QRICH1: variants seen among roughly 807,000 people sequenced by gnomAD.
QRICH1 encodes transcriptional regulator QRICH1.
In QRICH1, 16 loss-of-function variants were observed where a neutral mutation model predicts 87.1. That is an observed-to-expected ratio of 0.18 (90% CI 0.12 to 0.28). QRICH1 has a LOEUF of 0.28. QRICH1 is among the 10% of genes least tolerant of loss of function. QRICH1 has a pLI of 1.00. For missense variants in QRICH1, 647 were observed against 951.7 expected (o/e 0.68, Z 4.21); for synonymous variants, 367 against 368.4 (o/e 1.00, Z 0.05).
At chr3:49,094,250 TCCATGTGGGGCGGAGCTAGGG>T (rs2042338838), upstream of QRICH1, 1 of 380,194 alleles carries the variant, frequency 2.6e-6, no homozygotes, top group Non-Finnish European at 4.7e-6. Context: ...TGGACGCCTC[TCCATGTGGGGCGGAGCTAGGG>T]CCGTGGCTTG....
intron 6 of QRICH1, chr3:49,033,453 A>C (rs2093254923): frequency 2.7e-6 from 1 of 364,870 alleles, no homozygotes; most frequent in South Asian, 1.2e-4. Flanking sequence ...CTAACACCAC[A>C]CTTGAGAACC....
chr3:49,042,062 C>T (rs150426469), intron 6 of QRICH1, among the ~76,000 whole-genome samples: 2,719 of 146,812 alleles, frequency 0.019, 37 homozygotes, highest in Non-Finnish European at 0.032. Flanking sequence ...CGTGAGCCAC[C>T]GCGCCCAGAC....
intron 2 of QRICH1, among the ~76,000 whole-genome samples, chr3:49,068,385 AG>A (rs2093480391): frequency 6.6e-6 from 1 of 151,186 alleles, no homozygotes; most frequent in Non-Finnish European, 1.5e-5. Context: ...TAAGCATGGG[AG>A]GTTGAAGTTG....
At chr3:49,052,505 C>CT (rs1491378160) in intron 3 of QRICH1, among the ~76,000 whole-genome samples, 2 of 151,994 alleles carry the variant, frequency 1.3e-5, no homozygotes, top group African/African-American at 4.8e-5. Context: ...AATTCTGCCC[C>CT]TTTTTTGTTT....
chr3:49,074,423 T>C (rs1462191545), intron 2 of QRICH1, among the ~76,000 whole-genome samples: 9 of 146,804 alleles, frequency 6.1e-5, no homozygotes, highest in Admixed American at 4.8e-4. Flanking sequence ...ATACAAAAAA[T>C]TAGCCAGGCA....
chr3:49,057,980 G>A lies in QRICH1; in HGVS notation c.310-90C>T. On this transcript the variant is annotated intron_variant, in intron 2 of 9. Transcript: ENST00000395443. This position sits in a 1 kb window ranked among gnomAD's most constrained non-coding sequence, Gnocchi z 5.4. ...AGAAAGAAAAGAGATCCCAGACAGG[G>A]GACCTGCAAAATGTGAGAAAACACT... is the stretch of plus-strand genomic sequence containing the variant. 6.3e-7 allele frequency: 1 copy of A among 1,598,596 alleles called. No individual in the cohort carries two copies.
intron 1 of QRICH1, among the ~76,000 whole-genome samples, chr3:49,078,693 CCT>C (rs1491572920): frequency 1.7e-5 from 2 of 114,974 alleles, no homozygotes; most frequent in African/African-American, 3.6e-5. Flanking sequence ...CCACACCTGT[CCT>C]TTTTTTTTTT....
chr3:49,090,690 C>A (rs1012048642), intron 1 of QRICH1, among the ~76,000 whole-genome samples: 3 of 151,900 alleles, frequency 2.0e-5, no homozygotes, highest in Middle Eastern at 6.8e-3. Flanking sequence ...GACACAGCCA[C>A]CATTTCTACC....
Position 49,030,337 on chromosome 3 carries a change from G to C in QRICH1, c.*115C>G. The C allele has an allele frequency of 2.0e-6, 2 of 994,630 alleles. No individual in the cohort carries two copies. Among genetic ancestry groups the C allele is most frequent in the Non-Finnish European group, 2.9e-6 (2 of 693,242 alleles). The allele number at this position is 994,630 out of a possible 1,614,324, so 61.6% of individuals were successfully genotyped here. A position where few individuals can be genotyped will look rare whatever the true frequency, so the allele number is the denominator to read the frequency against. On this transcript the variant is annotated 3_prime_UTR_variant, in exon 10 of 10. Coordinates refer to ENST00000395443, the MANE Select transcript of QRICH1 (RefSeq NM_198880.3). ...ATTTTAAACAGAAGCAGCCTGAAAG[G>C]CTTCGTAACTACACCAATAAAAAAA...
At chr3:49,066,132 A>C (rs2093467094) in intron 2 of QRICH1, among the ~76,000 whole-genome samples, 1 of 152,020 alleles carries the variant, frequency 6.6e-6, no homozygotes, top group African/African-American at 2.4e-5. Flanking sequence ...CAAGAATACA[A>C]AAAAATTAGC....
chr3:49,070,806 A>G (rs954527861), intron 2 of QRICH1, among the ~76,000 whole-genome samples: 5 of 152,282 alleles, frequency 3.3e-5, no homozygotes, highest in Middle Eastern at 6.8e-3. Context: ...TTATGATTCT[A>G]TCACACTGAA....
In QRICH1 at chr3:49,033,140, G is replaced by A. The variant is rs1415622944; in HGVS notation, c.1875C>T (p.Thr625=). Residue 625 remains threonine (T), a synonymous_variant, in exon 7 of 10, where the codon ACC becomes ACT. Coordinates refer to ENST00000395443, the MANE Select transcript of QRICH1 (RefSeq NM_198880.3). Reference sequence around the variant, plus strand: ...CTTACTTGGTATTAAAGAACATGAGGGTGGTCAGCAAGGTGGAGGGGGAGT... The same window carrying A: ...CTTACTTGGTATTAAAGAACATGAGAGTGGTCAGCAAGGTGGAGGGGGAGT... The part of the protein sequence containing the change: ...GAHSPSTLLT[T]LMFFNTKYFL... 2 of 1,570,142 alleles carry A rather than the reference G, an allele frequency of 1.3e-6. No individual in the cohort carries two copies. Among genetic ancestry groups the A allele is most frequent in the Middle Eastern group, 1.7e-4 (1 of 5,902 alleles).
At chr3:49,034,755 C>G (rs1042655710) in intron 6 of QRICH1, among the ~76,000 whole-genome samples, 7 of 152,158 alleles carry the variant, frequency 4.6e-5, no homozygotes, top group Non-Finnish European at 1.0e-4. Context: ...AGGTCTGCAC[C>G]AAAGAAAGAT....
In QRICH1 at chr3:49,039,936, C is replaced by T. The variant is rs371406153; in HGVS notation, c.1786+4454G>A. ...AATTAGCTGGGCGTGGGGCACATGC[C>T]TGTATTCCCAGCTACTTGGGAGGCT... On this transcript the variant is annotated intron_variant, in intron 6 of 9. Coordinates refer to ENST00000395443, the MANE Select transcript of QRICH1 (RefSeq NM_198880.3). Among the ~76,000 whole-genome samples the T allele has an allele frequency of 7.9e-5, 12 of 152,240 alleles. 2 individuals carry two copies. The highest frequency in any genetic ancestry group is 2.6e-4 in the African/African-American group (11 of 41,550).
intron 6 of QRICH1, among the ~76,000 whole-genome samples, chr3:49,038,175 C>G (rs1322153908): frequency 6.6e-6 from 1 of 151,352 alleles, no homozygotes; most frequent in East Asian, 2.0e-4. Flanking sequence ...ATTCTCCTGC[C>G]TCAGCCTCCA....
At chr3:49,042,797 T>G (rs1187554901) in intron 6 of QRICH1, among the ~76,000 whole-genome samples, 1 of 152,078 alleles carries the variant, frequency 6.6e-6, no homozygotes, top group African/African-American at 2.4e-5. Context: ...GGTCTTGAAC[T>G]CCCAATATTC....
intron 2 of QRICH1, among the ~76,000 whole-genome samples, chr3:49,058,833 G>C (rs1397170141): frequency 6.6e-6 from 1 of 152,022 alleles, no homozygotes; most frequent in Non-Finnish European, 1.5e-5. Flanking sequence ...TCTCCATGTT[G>C]GTCAGGCTGG....
rs137933074 is a variant in QRICH1, at chr3:49,056,505, A to G, written c.1338+357T>C. 3.0e-3 allele frequency among the ~76,000 whole-genome samples: 458 copies of G among 152,354 alleles called. 4 individuals carry two copies. The highest frequency in any genetic ancestry group is 0.01 in the African/African-American group (432 of 41,592). On this transcript the variant is annotated intron_variant, in intron 3 of 9. Transcript: ENST00000395443. ...AGTGTTTTGCTAAAACCATTTACTT[A>G]TGATACAAGGAAACAGCACTGGGAC...
At chr3:49,091,982 G>A (rs1488870007) in intron 1 of QRICH1, among the ~76,000 whole-genome samples, 2 of 151,448 alleles carry the variant, frequency 1.3e-5, no homozygotes, top group Non-Finnish European at 2.9e-5. Context: ...TGAGGCAGGA[G>A]AATCGCTTCA....
Sources: gnomAD v4.1 joint callset for allele counts (sites outside exome capture counted in the v4.1 genomes callset) on GRCh38, gnomAD v4.1.1 for gene constraint, Gnocchi (gnomAD v3.1) non-coding constraint, MANE v1.5 for transcripts, NCBI Gene and HGNC (gene_info 2026-07-23, HGNC 2026-07-21) for gene names.